DNAH1: variants seen among roughly 807,000 people sequenced by gnomAD.
The protein encoded by DNAH1 is dynein axonemal heavy chain 1.
A neutral mutation model predicts 484.3 loss-of-function variants in DNAH1; 327 were observed. The observed-to-expected ratio is 0.68, with a 90% CI of 0.62 to 0.74. The LOEUF is 0.74. DNAH1 is among the 30% of genes least tolerant of loss of function. The pLI is 0.00. For synonymous variants in DNAH1, 2,192 were observed against 2,191.9 expected, an observed-to-expected ratio of 1.00 and a Z score of 0.00; for missense variants, 5,052 against 5,546.8, an observed-to-expected ratio of 0.91 and a Z score of 2.83.
rs765475552 is a variant in DNAH1, at chr3:52,370,548, C to A, written c.6330C>A (p.Ser2110=). 1 of 1,613,968 alleles carries A rather than the reference C, an allele frequency of 6.2e-7. No homozygotes were observed. Among genetic ancestry groups the A allele is most frequent in the Non-Finnish European group, 8.5e-7 (1 of 1,179,882 alleles). The change falls in exon 40 of 78, where the codon TCC becomes TCA. Residue 2110 remains serine, a synonymous_variant. Transcript: ENST00000420323. ...TGATCGAGCCCTGGTTCATCTTCTC[C>A]CTGATCTGGAGCGTGGGTGCCACTG... ...VELIEPWFIF[S]LIWSVGATGD... is the part of the protein sequence containing the mutation.
rs959849134 is a variant in DNAH1, at chr3:52,381,582, C to T, written c.7609-58C>T. 27 of 1,476,880 alleles carry T rather than the reference C, an allele frequency of 1.8e-5. No individual in the cohort carries two copies. The highest frequency in any genetic ancestry group is 2.8e-5 in the African/African-American group (2 of 71,642). 91.5% of individuals were successfully genotyped at this position (1,476,880 alleles called of 1,614,324 possible). A position where few individuals can be genotyped will look rare whatever the true frequency, so the allele number is the denominator to read the frequency against. ...AAGAAAGCGGGTGGGTGGGGGGAAT[C>T]GGGGAGACCCTACAGTAAGAGAGAC... On this transcript the variant is annotated intron_variant, in intron 48 of 77. Transcript: ENST00000420323. The surrounding 1 kb of genome is among the most constrained non-coding windows in gnomAD (Gnocchi z 4.1).
chr3:52,393,588 C>T (rs947029366), intron 66 of DNAH1, 103 bp downstream of exon 66: 116 of 1,510,450 alleles, frequency 7.7e-5, no homozygotes, highest in South Asian at 7.1e-5. Context: ...GAAGGCACCG[C>T]GAGAGCAAAG....
rs1158501821 is a variant in DNAH1 at position 52,366,868 on chromosome 3, G to C, written c.5746G>C (p.Asp1916His). The C allele has an allele frequency of 6.2e-7, 1 of 1,613,426 alleles. No homozygotes were observed. The highest frequency in any genetic ancestry group is 2.2e-5 in the East Asian group (1 of 44,870). ...ITMGQLYGEF[D>H]LLTHEWTDGI... Reference sequence around the variant, plus strand: ...GATGGGCCAGCTGTACGGGGAGTTTGACCTCCTCACCCATGAGTGGTGAGT... The same window carrying C: ...GATGGGCCAGCTGTACGGGGAGTTTCACCTCCTCACCCATGAGTGGTGAGT... The change falls in exon 36 of 78, where the codon GAC (aspartate) becomes CAC (histidine). Residue 1916 changes from aspartate to histidine, a missense_variant. This residue lies in a region of DNAH1 where 2,929 missense variants were observed against 3,409.4 expected (regional missense o/e 0.86). Transcript: ENST00000420323.
chr3:52,361,980 A>G lies in DNAH1; in HGVS notation c.4980+214A>G, dbSNP rs183443155. The stretch of plus-strand genomic sequence containing the variant: ...CCCTCCTCATTACATCCTGACCTTT[A>G]TGGAAAGCCCCAGGCATTGGTCCTT... On this transcript the variant is annotated intron_variant, in intron 30 of 77. Coordinates refer to ENST00000420323, the MANE Select transcript of DNAH1 (RefSeq NM_015512.5). This position sits in a 1 kb window ranked among gnomAD's most constrained non-coding sequence, Gnocchi z 5.6. Among the ~76,000 whole-genome samples the G allele has an allele frequency of 2.7e-3, 418 of 152,236 alleles. 4 individuals carry two copies. The highest frequency in any genetic ancestry group is 9.8e-3 in the African/African-American group (407 of 41,546).
intron 44 of DNAH1, chr3:52,373,776 T>G (rs1703461784): frequency 7.0e-7 from 1 of 1,420,574 alleles, no homozygotes; most frequent in Non-Finnish European, 1.0e-6. Flanking sequence ...ACGAGCTGCT[T>G]TAAGTGAAAT....
At chr3:52,313,373 C>T (rs1441679523), upstream of DNAH1, among the ~76,000 whole-genome samples, 1 of 152,040 alleles carries the variant, frequency 6.6e-6, no homozygotes, top group Non-Finnish European at 1.5e-5. Flanking sequence ...CAGGTAGATG[C>T]CCCTCCTCCT....
chr3:52,376,848 C>T (rs1342058698), intron 46 of DNAH1, among the ~76,000 whole-genome samples: 1 of 152,004 alleles, frequency 6.6e-6, no homozygotes, highest in Non-Finnish European at 1.5e-5. Context: ...TTCTTGTCAC[C>T]AGTTGCCTTC....
Position 52,375,994 on chromosome 3 carries a change from G to GT in DNAH1, c.7198+2dup, listed in dbSNP as rs947476435. 3.1e-6 allele frequency: 5 copies of GT among 1,612,050 alleles called. No homozygotes were observed. The highest frequency in any genetic ancestry group is 1.7e-5 in the Admixed American group (1 of 59,416). Reference sequence around the variant, plus strand: ...GAAAAAAGCTACCGGGAGCGTGTGCGTAAGTGTGGGCCTGGGCGGGAATGG... The same window carrying GT: ...GAAAAAAGCTACCGGGAGCGTGTGCGTTAAGTGTGGGCCTGGGCGGGAATGG... On this transcript the variant is annotated splice_donor_variant, in intron 46 of 77. Coordinates refer to ENST00000420323, the MANE Select transcript of DNAH1 (RefSeq NM_015512.5). LOFTEE classifies it high-confidence loss of function.
chr3:52,348,451 G>A (rs1455590591), intron 12 of DNAH1, among the ~76,000 whole-genome samples: 2 of 152,052 alleles, frequency 1.3e-5, no homozygotes, highest in Non-Finnish European at 2.9e-5. Context: ...TCTGTCCAAC[G>A]TCCCCACCAG....
intron 48 of DNAH1, among the ~76,000 whole-genome samples, chr3:52,380,388 T>TC (rs567194463): frequency 1.3e-3 from 197 of 148,666 alleles, no homozygotes; most frequent in African/African-American, 4.4e-3. Context: ...GGGGCAATCA[T>TC]CCCTCCACAA....
At chr3:52,352,380 T>C (rs1270523715) in intron 17 of DNAH1, among the ~76,000 whole-genome samples, 172 bp from the exon 18 acceptor site, 1 of 152,054 alleles carries the variant, frequency 6.6e-6, no homozygotes, top group Non-Finnish European at 1.5e-5. Flanking sequence ...TGTCAGTGCA[T>C]TGGGTCTCCC....
Position 52,384,030 on chromosome 3 carries a change from T to C in DNAH1, c.8321T>C (p.Leu2774Pro). 1 of 1,598,736 alleles carries C rather than the reference T, an allele frequency of 6.3e-7. No individual in the cohort carries two copies. The change falls in exon 52 of 78, where the codon CTG becomes CCG. Residue 2774 changes from leucine (L) to proline (P), a missense_variant and splice_region_variant. Physicochemically the swap from Leu to Pro is moderately conservative, Grantham distance 98 (BLOSUM62 -3). Around this residue, in one of 4 missense-constraint regions of DNAH1, gnomAD observed 2,929 missense variants for 3,409.4 expected, o/e 0.86. Coordinates refer to ENST00000420323, the MANE Select transcript of DNAH1 (RefSeq NM_015512.5). ...LESSQEEIQG[L>P]IQVCVYIHQS... ...TCCTCCCAGGAAGAAATCCAAGGACTGGTGGGTGTCTTGCTGAAGCTCAGG... is the reference window on the plus strand; with the variant it reads ...TCCTCCCAGGAAGAAATCCAAGGACCGGTGGGTGTCTTGCTGAAGCTCAGG...
At chr3:52,335,589 G>A (rs946532359) in intron 8 of DNAH1, among the ~76,000 whole-genome samples, 1 of 151,592 alleles carries the variant, frequency 6.6e-6, no homozygotes, top group Non-Finnish European at 1.5e-5. Context: ...GATTATAGGT[G>A]TGAGCCACCG....
intron 3 of DNAH1, among the ~76,000 whole-genome samples, chr3:52,325,696 C>T (rs1370119751): frequency 6.6e-6 from 1 of 152,172 alleles, no homozygotes; most frequent in Non-Finnish European, 1.5e-5. Flanking sequence ...ATCCAGGATG[C>T]CTCAAGCTGG....
chr3:52,391,423 A>G lies in DNAH1; in HGVS notation c.9892-20A>G. The G allele has an allele frequency of 6.2e-7, 1 of 1,602,050 alleles. No individual in the cohort carries two copies. Among genetic ancestry groups the G allele is most frequent in the East Asian group, 2.3e-5 (1 of 44,118 alleles). ...TGGTGATGCTCAGGCCACAGTACCC[A>G]CCGGTCCCACCCACCACAGACGTAC... On this transcript the variant is annotated intron_variant, in intron 62 of 77. Transcript: ENST00000420323.
At position 52,361,175 on chromosome 3, in the gene DNAH1, CACTG is replaced by C; in HGVS notation, c.4700_4703del (p.Leu1567ProfsTer116). On this transcript the variant is annotated frameshift_variant, in exon 29 of 78. Coordinates refer to ENST00000420323, the MANE Select transcript of DNAH1 (RefSeq NM_015512.5). LOFTEE classifies it high-confidence loss of function. The surrounding 1 kb of genome is among the most constrained non-coding windows in gnomAD (Gnocchi z 5.6). Reference sequence around the variant, plus strand: ...TCTGTCTCCTGCAGGTGCTACCTGACACTGACCGGAGCTCTGCACCTCAAGTTTG... The same window carrying C: ...TCTGTCTCCTGCAGGTGCTACCTGACACCGGAGCTCTGCACCTCAAGTTTG... 2 of 1,607,556 alleles carry C rather than the reference CACTG, an allele frequency of 1.2e-6. No individual in the cohort carries two copies. Among genetic ancestry groups the C allele is most frequent in the Non-Finnish European group, 8.5e-7 (1 of 1,177,186 alleles).
At chr3:52,387,559 CCTT>C (rs1228279660) in intron 56 of DNAH1, among the ~76,000 whole-genome samples, 1 of 152,218 alleles carries the variant, frequency 6.6e-6, no homozygotes, top group Non-Finnish European at 1.5e-5. Flanking sequence ...CCCCATTCCT[CCTT>C]CTCCTCTTCC....
At position 52,353,684 on chromosome 3, in the gene DNAH1, G is replaced by A; in HGVS notation, c.3480+51G>A. The A allele has an allele frequency of 6.4e-7, 1 of 1,550,630 alleles. No homozygotes were observed. The highest frequency in any genetic ancestry group is 2.4e-5 in the East Asian group (1 of 41,134). ...CACTCCAGCCAGGCCCTGCCGGACA[G>A]CCTGACCTCCTGCTCTGGCAACCAC... is the stretch of plus-strand genomic sequence containing the variant. On this transcript the variant is annotated intron_variant, in intron 20 of 77. Coordinates refer to ENST00000420323, the MANE Select transcript of DNAH1 (RefSeq NM_015512.5). This position sits in a 1 kb window ranked among gnomAD's most constrained non-coding sequence, Gnocchi z 5.0.
chr3:52,317,465 C>T (rs1409456011), intron 1 of DNAH1, among the ~76,000 whole-genome samples: 1 of 152,212 alleles, frequency 6.6e-6, no homozygotes, highest in African/African-American at 2.4e-5. Flanking sequence ...CCCTGACCAG[C>T]TGTCCCGCAG....
Sources: allele counts gnomAD v4.1 joint callset (sites outside exome capture counted in the v4.1 genomes callset), GRCh38; gene constraint gnomAD v4.1.1; regional missense constraint gnomAD v4.1.1; non-coding constraint Gnocchi (gnomAD v3.1); transcripts MANE v1.5; gene names NCBI Gene and HGNC (gene_info 2026-07-23, HGNC 2026-07-21).